STARD8: variants seen among roughly 807,000 people sequenced by gnomAD.
The protein encoded by STARD8 is StAR related lipid transfer domain containing 8, also known as stAR-related lipid transfer protein 8.
Under a neutral mutation model 69.4 loss-of-function variants are expected in STARD8, and 25 were observed. That is an observed-to-expected ratio of 0.36 (90% CI 0.26 to 0.50). The LOEUF is 0.50. STARD8 is among the 20% of genes least tolerant of loss of function. STARD8 has a pLI of 0.96. For missense variants in STARD8, 921 were observed against 932.5 expected (o/e 0.99, Z 0.16); for synonymous variants, 389 against 374.6 (o/e 1.04, Z -0.45).
rs1283423922 is a variant in STARD8, at chrX:68,718,234, T to G, written c.1320T>G (p.Ala440=). 2 of 1,211,273 alleles carry G rather than the reference T, an allele frequency of 1.7e-6. No homozygotes were observed. The highest frequency in any genetic ancestry group is 5.9e-5 in the East Asian group (2 of 33,796). The change falls in exon 6 of 15, where the codon GCT becomes GCG. Residue 440 remains alanine, a synonymous_variant. Coordinates refer to ENST00000374599, the MANE Select transcript of STARD8 (RefSeq NM_001142503.3). ...ATVEVKCQAE[A]LSQMEVPAHG... is the part of the protein sequence containing the mutation. ...TTGAGGTCAAATGCCAAGCTGAGGC[T>G]CTCAGCCAGATGGAGGTTCCGGCCC...
chrX:68,665,651 C>A, intron 2 of STARD8, 119 bp downstream of exon 2: 2 of 744,580 alleles, frequency 2.7e-6, no homozygotes, highest in East Asian at 3.5e-5. Flanking sequence ...GATGCAAAAG[C>A]CGGAGACATC....
At chrX:68,653,715 A>G (rs1191941009) in intron 1 of STARD8, among the ~76,000 whole-genome samples, 1 of 85,124 alleles carries the variant, frequency 1.2e-5, no homozygotes, top group East Asian at 3.9e-4. Context: ...TACACCACAC[A>G]CACCACACCA....
At chrX:68,702,985 C>T (rs999383854) in intron 2 of STARD8, among the ~76,000 whole-genome samples, 1 of 111,379 alleles carries the variant, frequency 9.0e-6, no homozygotes, top group Admixed American at 9.6e-5. Flanking sequence ...GGACCAGGGG[C>T]GGTGGTGGCT....
intron 2 of STARD8, among the ~76,000 whole-genome samples, chrX:68,697,922 G>A (rs1041544925): frequency 3.6e-5 from 4 of 112,447 alleles, no homozygotes; most frequent in Non-Finnish European, 7.5e-5. Context: ...TTTGGGAAAA[G>A]AGCAGCCTCC....
intron 3 of STARD8, among the ~76,000 whole-genome samples, chrX:68,714,386 G>T (rs2080075576): frequency 8.9e-6 from 1 of 111,997 alleles, no homozygotes; most frequent in Non-Finnish European, 1.9e-5. Context: ...TGTTCCTCCT[G>T]CCTGGAACTC....
chrX:68,660,405 G>T (rs1195857360), intron 1 of STARD8, among the ~76,000 whole-genome samples: 1 of 111,484 alleles, frequency 9.0e-6, no homozygotes, highest in Non-Finnish European at 1.9e-5. Context: ...CCCTTTTCAG[G>T]GACAAGATTG....
chrX:68,700,347 GGAA>G lies in STARD8; in HGVS notation c.80-12563_80-12561del, dbSNP rs111543502. 5.6e-3 allele frequency among the ~76,000 whole-genome samples: 635 copies of G among 112,446 alleles called. 2 individuals are homozygous for G. The highest frequency in any genetic ancestry group is 0.023 in the Middle Eastern group (5 of 214). ...GGTCTCCACCTGAGGCCCAGGGAAG[GGAA>G]GAACAGTCTCCAGTGAGGGAGGATT... On this transcript the variant is annotated intron_variant, in intron 2 of 14. Coordinates refer to ENST00000374599, the MANE Select transcript of STARD8 (RefSeq NM_001142503.3).
intron 1 of STARD8, among the ~76,000 whole-genome samples, chrX:68,652,967 A>C (rs1193584929): frequency 2.1e-5 from 1 of 47,918 alleles, no homozygotes; most frequent in Non-Finnish European, 4.0e-5. Flanking sequence ...CACACACACC[A>C]CACACCACAC....
chrX:68,715,210 G>T, intron 3 of STARD8, 84 bp from the exon 4 acceptor site: 7 of 831,602 alleles, frequency 8.4e-6, no homozygotes, highest in Admixed American at 3.2e-5. Context: ...CTCCTTCCTG[G>T]CCGTTCCCTT....
intron 9 of STARD8, 151 bp from the exon 10 acceptor site, chrX:68,721,385 C>A: frequency 1.7e-6 from 1 of 599,132 alleles, no homozygotes; most frequent in Non-Finnish European, 2.6e-6. Flanking sequence ...CTAGATCAAG[C>A]ACCCAGAGAC....
intron 2 of STARD8, chrX:68,693,783 T>C: frequency 1.1e-5 from 8 of 755,016 alleles, no homozygotes; most frequent in Non-Finnish European, 9.4e-6. Flanking sequence ...GCCCGCTCGC[T>C]CTGTGTCAGC....
At chrX:68,678,851 A>G (rs1218354936) in intron 2 of STARD8, among the ~76,000 whole-genome samples, 1 of 112,418 alleles carries the variant, frequency 8.9e-6, no homozygotes, top group African/African-American at 3.2e-5. Context: ...CAATACACGT[A>G]CTGATTAAGA....
intron 10 of STARD8, 84 bp from the exon 11 acceptor site, chrX:68,721,963 C>T (rs2080153100): frequency 2.1e-6 from 2 of 967,841 alleles, no homozygotes; most frequent in Non-Finnish European, 2.8e-6. Context: ...AAGTGGCTTC[C>T]TGGCAGCTAG....
rs371023029 is a variant in STARD8, at chrX:68,716,449, G to A, written c.297+18G>A. On this transcript the variant is annotated intron_variant, in intron 5 of 14. Transcript: ENST00000374599. Reference sequence around the variant, plus strand: ...GCAAGCAGGTGAGTCATGGCAAAGCGTGGGTCTGTGGTCTTGTGGTGCCAT... The same window carrying A: ...GCAAGCAGGTGAGTCATGGCAAAGCATGGGTCTGTGGTCTTGTGGTGCCAT... 427 of 1,204,403 alleles carry A rather than the reference G, an allele frequency of 3.5e-4. 1 individual carries two copies. Among genetic ancestry groups the A allele is most frequent in the Non-Finnish European group, 2.3e-4 (208 of 890,941 alleles).
At position 68,720,261 on chromosome X, in the gene STARD8, C is replaced by T; in HGVS notation, c.1890-3C>T. On this transcript the variant is annotated splice_region_variant and splice_polypyrimidine_tract_variant and intron_variant, in intron 7 of 14. Transcript: ENST00000374599. ...TCTGATCACTTGTCATTCTCCCAAACAGGTCAATGCCCAAGTTCATGAGGA... is the reference window on the plus strand; with the variant it reads ...TCTGATCACTTGTCATTCTCCCAAATAGGTCAATGCCCAAGTTCATGAGGA... 1 of 1,189,423 alleles carries T rather than the reference C, an allele frequency of 8.4e-7. No individual in the cohort carries two copies. The highest frequency in any genetic ancestry group is 1.1e-6 in the Non-Finnish European group (1 of 883,709).
chrX:68,720,858 G>A (rs961425538), intron 8 of STARD8, 66 bp from the exon 9 acceptor site: 4 of 1,067,760 alleles, frequency 3.7e-6, no homozygotes, highest in Non-Finnish European at 5.1e-6. Context: ...GTCTAGGGCT[G>A]GCCTCACAGT....
At chrX:68,660,473 C>T (rs751865634) in intron 1 of STARD8, among the ~76,000 whole-genome samples, 2 of 111,752 alleles carry the variant, frequency 1.8e-5, no homozygotes, top group South Asian at 7.6e-4. Flanking sequence ...CGAACATGAG[C>T]ATATGTCTCC....
chrX:68,654,205 C>T (rs887886956), intron 1 of STARD8, among the ~76,000 whole-genome samples: 4 of 111,800 alleles, frequency 3.6e-5, no homozygotes, highest in Non-Finnish European at 5.6e-5. Flanking sequence ...TCTCAGAGGG[C>T]ATCAGGACAC....
At chrX:68,678,392 A>G (rs1279272495) in intron 2 of STARD8, among the ~76,000 whole-genome samples, 2 of 112,077 alleles carry the variant, frequency 1.8e-5, no homozygotes, top group African/African-American at 3.2e-5. Flanking sequence ...AGGCCAAACC[A>G]GACGAATGGA....
Sources: allele counts gnomAD v4.1 joint callset (sites outside exome capture counted in the v4.1 genomes callset), GRCh38; gene constraint gnomAD v4.1.1; transcripts MANE v1.5; gene names NCBI Gene and HGNC (gene_info 2026-07-23, HGNC 2026-07-21).